The following CYB5R4 variants were observed in gnomAD, a reference collection of about 807,000 sequenced individuals.
The protein encoded by CYB5R4 is N-terminal cytochrome b5 and cytochrome b5 oxidoreductase domain-containing protein.
In CYB5R4, 55 loss-of-function variants were observed where a neutral mutation model predicts 70.2. That is an observed-to-expected ratio of 0.78 (90% CI 0.63 to 0.98). CYB5R4 has a LOEUF of 0.98. CYB5R4 is among the 50% of genes least tolerant of loss of function. The probability of loss-of-function intolerance (pLI) is 0.00; values close to 1 mark genes in which losing one functional copy is unlikely to be tolerated. For synonymous variants in CYB5R4, 197 were observed against 199.5 expected (o/e 0.99, Z 0.11); for missense variants, 562 against 612.6 (o/e 0.92, Z 0.87).
intron 14 of CYB5R4, among the ~76,000 whole-genome samples, chr6:83,943,760 A>T (rs1204875542): frequency 2.0e-5 from 3 of 152,066 alleles, no homozygotes; most frequent in Non-Finnish European, 4.4e-5. Context: ...TTGGAGAAGA[A>T]CATAAAAGAC....
rs957259693 is a variant in CYB5R4 at position 83,904,604 on chromosome 6, G to A, written c.331-4405G>A. On this transcript the variant is annotated intron_variant, in intron 3 of 15. Transcript: ENST00000369681. ...GTTGATTTTTCTCCCTAGATGATCC[G>A]TCTAATGCTGAGAATGGGATTTTGA... Among the ~76,000 whole-genome samples, 9 of 152,160 alleles carry A rather than the reference G, an allele frequency of 5.9e-5. No individual in the cohort carries two copies. The East Asian group carries it at 1.2e-3, about 20-fold the overall frequency.
chr6:83,889,078 G>A lies in CYB5R4; in HGVS notation c.230-4444G>A, dbSNP rs2099460707. On this transcript the variant is annotated intron_variant, in intron 2 of 15. Transcript: ENST00000369681. ...TGAGGAAGCTGTGGAAGAAAAGTTA[G>A]AAACTAGCAAAGGTTGGTTCATGAG... Among the ~76,000 whole-genome samples the A allele has an allele frequency of 2.0e-5, 3 of 152,204 alleles. No individual in the cohort carries two copies. The South Asian group carries it at 6.2e-4, about 31-fold the overall frequency.
intron 10 of CYB5R4, among the ~76,000 whole-genome samples, chr6:83,928,466 A>G (rs962573952): frequency 6.6e-6 from 1 of 152,206 alleles, no homozygotes; most frequent in Non-Finnish European, 1.5e-5. Context: ...GTGAATTTGA[A>G]GCAGTATTTT....
At chr6:83,880,888 A>G (rs542371902) in intron 2 of CYB5R4, among the ~76,000 whole-genome samples, 2 of 152,306 alleles carry the variant, frequency 1.3e-5, no homozygotes, top group East Asian at 3.9e-4. Context: ...GAAGAATCCT[A>G]CAGTCATCTG....
At chr6:83,951,157 G>C (rs923410748) in intron 14 of CYB5R4, among the ~76,000 whole-genome samples, 2 of 152,132 alleles carry the variant, frequency 1.3e-5, no homozygotes, top group African/African-American at 4.8e-5. Context: ...TAACTGCATT[G>C]TGTTCAGTCA....
Position 83,955,419 on chromosome 6 carries a change from G to A in CYB5R4, c.1468G>A (p.Val490Ile), listed in dbSNP as rs141026706. Reference sequence around the variant, plus strand: ...AAATTTGGACAAATCCAAAGTTCTCGTCTGCATTTGTGGACCAGTGCCATT... The same window carrying A: ...AAATTTGGACAAATCCAAAGTTCTCATCTGCATTTGTGGACCAGTGCCATT... ...KRNLDKSKVL[V>I]CICGPVPFTE... The change falls in exon 15 of 16, where the codon GTC (valine) becomes ATC (isoleucine). Residue 490 changes from valine (V) to isoleucine (I), a missense_variant. Val to Ile is a conservative substitution (Grantham distance 29). Coordinates refer to ENST00000369681, the MANE Select transcript of CYB5R4 (RefSeq NM_016230.4). The A allele has an allele frequency of 2.9e-4, 460 of 1,613,806 alleles. No individual in the cohort carries two copies. Among genetic ancestry groups the A allele is most frequent in the Admixed American group, 2.7e-4 (16 of 59,982 alleles).
intron 15 of CYB5R4, among the ~76,000 whole-genome samples, chr6:83,956,727 A>G (rs1406237250): frequency 6.6e-6 from 1 of 152,196 alleles, no homozygotes; most frequent in African/African-American, 2.4e-5. Flanking sequence ...GACATGGCAA[A>G]GAAACATGTT....
intron 15 of CYB5R4, among the ~76,000 whole-genome samples, chr6:83,957,143 G>A (rs996208779): frequency 6.6e-6 from 1 of 151,726 alleles, no homozygotes; most frequent in Non-Finnish European, 1.5e-5. Flanking sequence ...TCAAGTTTCT[G>A]TGTAAACTTT....
intron 2 of CYB5R4, among the ~76,000 whole-genome samples, chr6:83,876,674 C>T (rs1007934342): frequency 3.3e-5 from 5 of 152,028 alleles, no homozygotes; most frequent in African/African-American, 1.2e-4. Context: ...TCTATATAAG[C>T]TGAAAACCCC....
intron 3 of CYB5R4, among the ~76,000 whole-genome samples, chr6:83,906,798 C>T (rs1035753891): frequency 5.3e-5 from 8 of 152,160 alleles, no homozygotes; most frequent in Admixed American, 5.2e-4. Context: ...TACATACTTA[C>T]TATTTTAGTG....
At chr6:83,955,220 A>G in intron 14 of CYB5R4, 78 bp from the exon 15 acceptor site, 1 of 1,193,304 alleles carries the variant, frequency 8.4e-7, no homozygotes, top group Non-Finnish European at 1.2e-6. Flanking sequence ...TAGGGGAGAA[A>G]TATATTCTTG....
Position 83,901,898 on chromosome 6 carries a change from G to C in CYB5R4, c.331-7111G>C, listed in dbSNP as rs1306573934. Among the ~76,000 whole-genome samples the C allele has an allele frequency of 2.0e-5, 3 of 150,958 alleles. No individual in the cohort carries two copies. In the East Asian group the frequency reaches 5.8e-4, roughly 29 times the overall value. ...TGGGATTACTTTTTTTTTTATGGTT[G>C]GGTTCCTTATATATTCTGGATATCA... is the stretch of plus-strand genomic sequence containing the variant. On this transcript the variant is annotated intron_variant, in intron 3 of 15. Coordinates refer to ENST00000369681, the MANE Select transcript of CYB5R4 (RefSeq NM_016230.4).
intron 2 of CYB5R4, among the ~76,000 whole-genome samples, chr6:83,878,046 CTCTT>C (rs1320079390): frequency 6.6e-6 from 1 of 151,878 alleles, no homozygotes; most frequent in Non-Finnish European, 1.5e-5. Flanking sequence ...ATTTTTATTG[CTCTT>C]TCTTTAAGTT....
chr6:83,874,097 G>A (rs1005047031), intron 2 of CYB5R4, among the ~76,000 whole-genome samples: 2 of 137,148 alleles, frequency 1.5e-5, no homozygotes, highest in African/African-American at 5.6e-5. Context: ...CTTCCTTCCT[G>A]CCTGCTTGCC....
chr6:83,959,746 T>C, intron 15 of CYB5R4, 78 bp from the exon 16 acceptor site: 2 of 1,215,550 alleles, frequency 1.6e-6, no homozygotes, highest in Admixed American at 2.4e-5. Flanking sequence ...GTATCATGAT[T>C]ATGGTGGTAA....
At chr6:83,936,448 A>C in intron 12 of CYB5R4, 72 bp downstream of exon 12, 1 of 1,314,540 alleles carries the variant, frequency 7.6e-7, no homozygotes, top group Non-Finnish European at 1.1e-6. Context: ...AGTTATCTCC[A>C]TGTAGGAGTC....
At chr6:83,887,302 TCTC>T (rs1466393799) in intron 2 of CYB5R4, among the ~76,000 whole-genome samples, 1 of 152,154 alleles carries the variant, frequency 6.6e-6, no homozygotes, top group East Asian at 1.9e-4. Flanking sequence ...GCCTTAAAGT[TCTC>T]CTAGTCTTTA....
At chr6:83,917,926 T>C in intron 5 of CYB5R4, 79 bp from the exon 6 acceptor site, 4 of 1,063,780 alleles carry the variant, frequency 3.8e-6, no homozygotes, top group Non-Finnish European at 5.8e-6. Flanking sequence ...ATATGTGATA[T>C]TTCACTAAGA....
At chr6:83,921,918 T>G (rs1345819888) in intron 8 of CYB5R4, among the ~76,000 whole-genome samples, 2 of 152,254 alleles carry the variant, frequency 1.3e-5, no homozygotes, top group Non-Finnish European at 2.9e-5. Flanking sequence ...GTTTCTGTCT[T>G]ATTAACTGTT....
Sources: allele counts gnomAD v4.1 joint callset (sites outside exome capture counted in the v4.1 genomes callset), GRCh38; gene constraint gnomAD v4.1.1; transcripts MANE v1.5; gene names NCBI Gene and HGNC (gene_info 2026-07-23, HGNC 2026-07-21).